MALRD1: variants seen among roughly 807,000 people sequenced by gnomAD.
MALRD1 encodes MAM and LDL receptor class A domain containing 1.
In MALRD1, 247 loss-of-function variants were observed where a neutral mutation model predicts 242.1. That is an observed-to-expected ratio of 1.02 (90% CI 0.92 to 1.13). The LOEUF is 1.13. MALRD1 is among the 50% of genes most tolerant of loss of function. The probability of loss-of-function intolerance (pLI) is 0.00; values close to 1 mark genes in which losing one functional copy is unlikely to be tolerated. For missense variants in MALRD1, 2,989 were observed against 2,533.1 expected (o/e 1.18, Z -3.86); for synonymous variants, 995 against 866.6 (o/e 1.15, Z -2.60).
chr10:19,125,378 T>TTTCCTTCC (rs60592186), intron 7 of MALRD1, among the ~76,000 whole-genome samples: 1 of 87,816 alleles, frequency 1.1e-5, no homozygotes, highest in Non-Finnish European at 2.2e-5. Context: ...TCTTTCTTTC[T>TTTCCTTCC]TTCCTTCCTT....
intron 33 of MALRD1, among the ~76,000 whole-genome samples, chr10:19,579,286 C>T (rs1836987274): frequency 1.3e-5 from 2 of 152,248 alleles, no homozygotes; most frequent in South Asian, 4.1e-4. Flanking sequence ...TTCTCTAATG[C>T]CCATGTCACT....
intron 18 of MALRD1, among the ~76,000 whole-genome samples, chr10:19,216,427 CTTA>C (rs1204015367): frequency 6.6e-6 from 1 of 151,714 alleles, no homozygotes; most frequent in Non-Finnish European, 1.5e-5. Context: ...CTACTTCTTT[CTTA>C]TTATTTTCCT....
chr10:19,712,020 G>A (rs1395968598), intron 38 of MALRD1, among the ~76,000 whole-genome samples: 2 of 152,148 alleles, frequency 1.3e-5, no homozygotes, highest in African/African-American at 2.4e-5. Context: ...CAGATCCAGT[G>A]GTCTGATGAG....
chr10:19,396,559 A>G (rs1846588945), intron 28 of MALRD1, among the ~76,000 whole-genome samples: 1 of 152,218 alleles, frequency 6.6e-6, no homozygotes, highest in African/African-American at 2.4e-5. Context: ...GACCCATGTC[A>G]CATAAAAATT....
chr10:19,342,297 C>G (rs1160929473), intron 24 of MALRD1, among the ~76,000 whole-genome samples: 1 of 152,044 alleles, frequency 6.6e-6, no homozygotes, highest in African/African-American at 2.4e-5. Context: ...TAGTCAATAA[C>G]CATTTAAAAT....
At chr10:19,593,735 A>T (rs962160067) in intron 33 of MALRD1, among the ~76,000 whole-genome samples, 1 of 152,164 alleles carries the variant, frequency 6.6e-6, no homozygotes, top group Non-Finnish European at 1.5e-5. Flanking sequence ...TTTAAGTTTG[A>T]CTTAATGTAG....
intron 26 of MALRD1, among the ~76,000 whole-genome samples, chr10:19,365,659 T>TAAAAAAAAAAAAAAAAAAA (rs199989681): frequency 8.1e-6 from 1 of 122,874 alleles, no homozygotes; most frequent in Non-Finnish European, 1.7e-5. Context: ...TTATAAATTC[T>TAAAAAAAAAAAAAAAAAAA]AAAAAAAAAA....
intron 14 of MALRD1, among the ~76,000 whole-genome samples, chr10:19,199,807 A>C (rs1836439953): frequency 7.3e-6 from 1 of 136,580 alleles, no homozygotes; most frequent in Admixed American, 7.4e-5. Context: ...TCTCCAAATA[A>C]ATAAATAAAT....
At chr10:19,389,750 C>A in intron 28 of MALRD1, 141 bp downstream of exon 28, 1 of 819,450 alleles carries the variant, frequency 1.2e-6, no homozygotes, top group African/African-American at 1.7e-5. Flanking sequence ...AGCGATCCTC[C>A]TGCCTCTGCC....
chr10:19,704,465 G>A (rs549493280), intron 38 of MALRD1, among the ~76,000 whole-genome samples: 3 of 152,220 alleles, frequency 2.0e-5, no homozygotes, highest in East Asian at 1.9e-4. Flanking sequence ...GGCCATCATC[G>A]TGGCCTCATG....
At chr10:19,383,601 C>G (rs550158827) in intron 26 of MALRD1, among the ~76,000 whole-genome samples, 1 of 151,980 alleles carries the variant, frequency 6.6e-6, no homozygotes, top group African/African-American at 2.4e-5. Flanking sequence ...TAAGTACATA[C>G]CTTATATGGT....
At chr10:19,393,889 A>G (rs1846458002) in intron 28 of MALRD1, among the ~76,000 whole-genome samples, 1 of 152,192 alleles carries the variant, frequency 6.6e-6, no homozygotes, top group Admixed American at 6.5e-5. Context: ...TCTACAAGAA[A>G]CAAAAGACCT....
Position 19,677,064 on chromosome 10 carries a change from A to G in MALRD1, c.6138-15218A>G, listed in dbSNP as rs550425966. 4.7e-3 allele frequency among the ~76,000 whole-genome samples: 719 copies of G among 152,132 alleles called. 9 individuals carry two copies. Among genetic ancestry groups the G allele is most frequent in the Non-Finnish European group, 3.6e-3 (242 of 68,002 alleles). On this transcript the variant is annotated intron_variant, in intron 36 of 39. Coordinates refer to ENST00000454679, the MANE Select transcript of MALRD1 (RefSeq NM_001142308.3). Reference sequence around the variant, plus strand: ...ACCACATTTTTTTTTCTAGTCTATCATTGATAGGCATTTGGGTTGACTCCA... The same window carrying G: ...ACCACATTTTTTTTTCTAGTCTATCGTTGATAGGCATTTGGGTTGACTCCA...
intron 38 of MALRD1, among the ~76,000 whole-genome samples, chr10:19,720,704 TA>T (rs1834706406): frequency 1.3e-5 from 2 of 152,164 alleles, no homozygotes; most frequent in Admixed American, 6.5e-5. Flanking sequence ...TTTACTGTGC[TA>T]TTTTTTTTAT....
chr10:19,183,827 C>G (rs1007243116), intron 14 of MALRD1, among the ~76,000 whole-genome samples: 1 of 152,158 alleles, frequency 6.6e-6, no homozygotes, highest in Non-Finnish European at 1.5e-5. Context: ...ATGATTTAAT[C>G]AAATGTTTCC....
chr10:19,470,262 A>G (rs1836430806), intron 29 of MALRD1, among the ~76,000 whole-genome samples: 1 of 151,994 alleles, frequency 6.6e-6, no homozygotes, highest in Non-Finnish European at 1.5e-5. Context: ...ATGTTGTCCC[A>G]AATGTCAGGA....
intron 28 of MALRD1, among the ~76,000 whole-genome samples, chr10:19,394,182 A>G (rs375604237): frequency 6.6e-6 from 1 of 152,164 alleles, no homozygotes; most frequent in African/African-American, 2.4e-5. Flanking sequence ...CTGAAAGACC[A>G]CAATTAAATT....
Position 19,136,578 on chromosome 10 carries a change from T to G in MALRD1, c.1208T>G (p.Ile403Ser), listed in dbSNP as rs181992708. 2.4e-6 allele frequency: 3 copies of G among 1,230,136 alleles called. No individual in the cohort carries two copies. Among genetic ancestry groups the G allele is most frequent in the South Asian group, 4.1e-5 (1 of 24,294 alleles). The allele number at this position is 1,230,136 out of a possible 1,614,324, so 76.2% of individuals were successfully genotyped here. Residue 403 changes from isoleucine to serine, a missense_variant, in exon 10 of 40, where the codon ATT (isoleucine) becomes AGT (serine). Coordinates refer to ENST00000454679, the MANE Select transcript of MALRD1 (RefSeq NM_001142308.3). ...IPEDLKTFKI[I>S]FEGTLLSQRS... Reference sequence around the variant, plus strand: ...TTAATCTTTTCCTTCCTAAAGATTATTTTTGAAGGGACTCTTTTGAGCCAG... The same window carrying G: ...TTAATCTTTTCCTTCCTAAAGATTAGTTTTGAAGGGACTCTTTTGAGCCAG...
chr10:19,118,917 A>G (rs1372670388), intron 5 of MALRD1, among the ~76,000 whole-genome samples: 6 of 152,170 alleles, frequency 3.9e-5, no homozygotes, highest in Admixed American at 1.3e-4. Flanking sequence ...AAACCCATGG[A>G]AGGGCTTTAA....
Sources: gnomAD v4.1 joint callset for allele counts (sites outside exome capture counted in the v4.1 genomes callset) on GRCh38, gnomAD v4.1.1 for gene constraint, MANE v1.5 for transcripts, NCBI Gene and HGNC (gene_info 2026-07-23, HGNC 2026-07-21) for gene names.